The following WDR83 variants were observed in gnomAD, a reference collection of about 807,000 sequenced individuals.
The protein encoded by WDR83 is WD repeat domain-containing protein 83.
WDR83 carries 37 observed loss-of-function variants against 37.7 expected under a neutral mutation model. The ratio of observed to expected loss-of-function variants is 0.98; its 90% CI spans 0.76 to 1.29. The LOEUF is 1.29. WDR83 is among the 50% of genes most tolerant of loss of function. The pLI, the probability that WDR83 is intolerant of heterozygous loss-of-function variation, is 0.00. For missense variants in WDR83, 445 were observed against 414.4 expected (o/e 1.07, Z -0.64); for synonymous variants, 174 against 181.1 (o/e 0.96, Z 0.31).
At chr19:12,671,955 C>G (rs1466313483) in intron 7 of WDR83, among the ~76,000 whole-genome samples, 1 of 152,178 alleles carries the variant, frequency 6.6e-6, no homozygotes, top group East Asian at 1.9e-4. Flanking sequence ...CCTGGCCTCC[C>G]AAAGAGCTGG....
intron 7 of WDR83, 136 bp from the exon 8 acceptor site, chr19:12,672,711 G>A: frequency 1.1e-6 from 1 of 884,000 alleles, no homozygotes; most frequent in Non-Finnish European, 1.8e-6. Context: ...CCCTGGGCCT[G>A]AGTCTCAAGG....
At chr19:12,670,327 C>A in intron 5 of WDR83, 42 bp downstream of exon 5, 1 of 1,599,598 alleles carries the variant, frequency 6.3e-7, no homozygotes, top group Non-Finnish European at 8.5e-7. Context: ...TGGAGGGGAC[C>A]CGTATTAGCG....
downstream of WDR83, chr19:12,675,832 A>AG: frequency 6.3e-7 from 1 of 1,586,156 alleles, no homozygotes; most frequent in Non-Finnish European, 8.6e-7. Context: ...CTGGGACCGC[A>AG]GCCGCTCAGT....
chr19:12,669,618 G>A lies in WDR83; in HGVS notation c.-36-137G>A. 4.4e-6 allele frequency: 4 copies of A among 911,378 alleles called. No homozygotes were observed. The South Asian group carries it at 5.2e-5, about 12-fold the overall frequency. The allele number at this position is 911,378 out of a possible 1,614,324, so 56.5% of individuals were successfully genotyped here. A position where few individuals can be genotyped will look rare whatever the true frequency, so the allele number is the denominator to read the frequency against. ...AATGGGGAAAAGAACCTGAAAGCGGGCTTCAATAGTTCCAACCCGATCACC... is the reference window on the plus strand; with the variant it reads ...AATGGGGAAAAGAACCTGAAAGCGGACTTCAATAGTTCCAACCCGATCACC... On this transcript the variant is annotated intron_variant, in intron 2 of 10. Coordinates refer to ENST00000418543, the MANE Select transcript of WDR83 (RefSeq NM_001099737.3).
chr19:12,669,696 G>A (rs142536089), intron 2 of WDR83, 59 bp from the exon 3 acceptor site: 1 of 1,319,868 alleles, frequency 7.6e-7, no homozygotes, highest in Non-Finnish European at 1.0e-6. Flanking sequence ...AGGTCAGGAA[G>A]AACAATAATA....
chr19:12,673,158 C>T, intron 9 of WDR83, 42 bp downstream of exon 9: 8 of 1,609,998 alleles, frequency 5.0e-6, no homozygotes, highest in Non-Finnish European at 6.8e-6. Flanking sequence ...CCTCCTCTCC[C>T]ACCCCTGGAG....
At chr19:12,671,800 C>A (rs1417533064) in intron 7 of WDR83, among the ~76,000 whole-genome samples, 1 of 152,056 alleles carries the variant, frequency 6.6e-6, no homozygotes, top group African/African-American at 2.4e-5. Flanking sequence ...TAGGTTCAGG[C>A]GATTCTCCTG....
chr19:12,670,205 T>C lies in WDR83; in HGVS notation c.250T>C (p.Ser84Pro). The C allele has an allele frequency of 6.2e-7, 1 of 1,614,074 alleles. No individual in the cohort carries two copies. ...CTCCTTTGACAACAGTAGTCTCTGC[T>C]CCGGCGGCGGGGACAAGGCGGTGGT... ...AGSFDNSSLC[S>P]GGGDKAVVLW... Residue 84 changes from serine to proline, a missense_variant, in exon 5 of 11, where the codon TCC (serine) becomes CCC (proline). Coordinates refer to ENST00000418543, the MANE Select transcript of WDR83 (RefSeq NM_001099737.3).
Position 12,675,651 on chromosome 19 carries a change from G to T in WDR83, c.927G>T (p.Glu309Asp). The change falls in exon 11 of 11, where the codon GAG (glutamate) becomes GAT (aspartate). Residue 309 changes from glutamate to aspartate, a missense_variant. Physicochemically the swap from Glu to Asp is conservative, Grantham distance 45. Coordinates refer to ENST00000418543, the MANE Select transcript of WDR83 (RefSeq NM_001099737.3). The part of the protein sequence containing the change: ...SVQCWREEAY[E>D]AEDGAG ...AGTGCTGGCGAGAGGAGGCCTATGA[G>T]GCAGAGGATGGAGCAGGCTGAAGCC... 6.2e-7 allele frequency: 1 copy of T among 1,601,388 alleles called. No individual in the cohort carries two copies.
intron 2 of WDR83, chr19:12,669,275 C>T (rs1422335183): frequency 6.2e-7 from 1 of 1,610,376 alleles, no homozygotes; most frequent in Admixed American, 1.7e-5. Context: ...GGTCCTGCCC[C>T]CGGGATAGAC....
chr19:12,667,399 G>A (rs1053042607), intron 1 of WDR83, among the ~76,000 whole-genome samples: 1 of 152,244 alleles, frequency 6.6e-6, no homozygotes, highest in Non-Finnish European at 1.5e-5. Flanking sequence ...TGAATCACTT[G>A]GGCCTGGGAG....
rs1287509884 is a variant in WDR83 at position 12,673,317 on chromosome 19, G to A, written c.798+1G>A. The A allele has an allele frequency of 1.2e-6, 2 of 1,612,632 alleles. No homozygotes were observed. Among genetic ancestry groups the A allele is most frequent in the African/African-American group, 2.7e-5 (2 of 74,816 alleles). Reference sequence around the variant, plus strand: ...GGTGTTCTTCTGGGACCTGGTGGAGGTGAGGTGCCCCCAGCCCTACTTCAT... The same window carrying A: ...GGTGTTCTTCTGGGACCTGGTGGAGATGAGGTGCCCCCAGCCCTACTTCAT... On this transcript the variant is annotated splice_donor_variant, in intron 10 of 10. Transcript: ENST00000418543. LOFTEE classifies it high-confidence loss of function.
rs527460497 is a variant in WDR83, at chr19:12,675,734, C to T, written c.*62C>T. ...CACAGACATGGAAGGACTTCAGATACCATCTTATTCTAGAGACGTAGCTGA... is the reference window on the plus strand; with the variant it reads ...CACAGACATGGAAGGACTTCAGATATCATCTTATTCTAGAGACGTAGCTGA... On this transcript the variant is annotated 3_prime_UTR_variant, in exon 11 of 11. Coordinates refer to ENST00000418543, the MANE Select transcript of WDR83 (RefSeq NM_001099737.3). 1.3e-6 allele frequency: 2 copies of T among 1,581,422 alleles called. No individual in the cohort carries two copies. Among genetic ancestry groups the T allele is most frequent in the African/African-American group, 2.7e-5 (2 of 74,264 alleles).
At chr19:12,667,493 A>C (rs2145297878) in intron 1 of WDR83, among the ~76,000 whole-genome samples, 1 of 152,292 alleles carries the variant, frequency 6.6e-6, no homozygotes, top group Non-Finnish European at 1.5e-5. Flanking sequence ...CAAAATGTAA[A>C]AATACAAAAA....
chr19:12,674,554 A>C (rs1422131551), intron 10 of WDR83, among the ~76,000 whole-genome samples: 1 of 152,200 alleles, frequency 6.6e-6, no homozygotes, highest in African/African-American at 2.4e-5. Flanking sequence ...GTTGCCTTGG[A>C]GGGCAGGCAC....
Position 12,675,766 on chromosome 19 carries a change from A to G in WDR83, c.*94A>G. ...ATTCTAGAGACGTAGCTGACCAAAA[A>G]GTAGGGGAGGGGCTGGGTCTGCAAA... On this transcript the variant is annotated 3_prime_UTR_variant, in exon 11 of 11. Transcript: ENST00000418543. 1 of 1,567,740 alleles carries G rather than the reference A, an allele frequency of 6.4e-7. No individual in the cohort carries two copies.
chr19:12,672,649 G>A, intron 7 of WDR83, 198 bp from the exon 8 acceptor site: 2 of 608,258 alleles, frequency 3.3e-6, no homozygotes, highest in Non-Finnish European at 5.9e-6. Context: ...GGACTCCAAG[G>A]GCTTGGAAAG....
At position 12,673,360 on chromosome 19, in the gene WDR83, A is replaced by G. The variant is rs10414810; in HGVS notation, c.798+44A>G. ...TACTTCATACCTAGATGCCTGCCCC[A>G]TCTCAGCCCTGTCCTTACCTCAGTC... On this transcript the variant is annotated intron_variant, in intron 10 of 10. Coordinates refer to ENST00000418543, the MANE Select transcript of WDR83 (RefSeq NM_001099737.3). 7.3e-3 allele frequency: 10,378 copies of G among 1,428,224 alleles called. 592 individuals carry two copies. The African/African-American group carries it at 0.13, about 18-fold the overall frequency. 88.5% of individuals were successfully genotyped at this position (1,428,224 alleles called of 1,614,324 possible). A position where few individuals can be genotyped will look rare whatever the true frequency, so the allele number is the denominator to read the frequency against.
At chr19:12,668,471 C>T (rs781676984) in intron 1 of WDR83, 37 bp from the exon 2 acceptor site, 2 of 1,612,316 alleles carry the variant, frequency 1.2e-6, no homozygotes, top group Non-Finnish European at 1.7e-6. Context: ...AGGCTGGGGT[C>T]CCCCCACCCC....
Sources: allele counts gnomAD v4.1 joint callset (sites outside exome capture counted in the v4.1 genomes callset), GRCh38; gene constraint gnomAD v4.1.1; transcripts MANE v1.5; gene names NCBI Gene and HGNC (gene_info 2026-07-23, HGNC 2026-07-21).